The following KYNU variants were observed in gnomAD, a reference collection of about 807,000 sequenced individuals.
KYNU encodes L-kynurenine hydrolase.
Under a neutral mutation model 59.2 loss-of-function variants are expected in KYNU, and 54 were observed. The ratio of observed to expected loss-of-function variants is 0.91; its 90% CI spans 0.73 to 1.14. KYNU has a LOEUF of 1.14. KYNU is among the 50% of genes most tolerant of loss of function. The pLI is 0.00. For synonymous variants in KYNU, 177 were observed against 192.0 expected (o/e 0.92, Z 0.65); for missense variants, 567 against 554.4 (o/e 1.02, Z -0.23).
intron 2 of KYNU, among the ~76,000 whole-genome samples, chr2:142,891,563 T>C (rs1206203230): frequency 6.6e-6 from 1 of 152,202 alleles, no homozygotes; most frequent in African/African-American, 2.4e-5. Flanking sequence ...TTTGCACATG[T>C]AATTGTTTGG....
At position 142,891,304 on chromosome 2, in the gene KYNU, A is replaced by G. The variant is rs183095109; in HGVS notation, c.169+5768A>G. ...TTATCTCTAGCCTAGGCAAACAGTAATCTACTGAACTTGCTGTTATTTTGA... is the reference window on the plus strand; with the variant it reads ...TTATCTCTAGCCTAGGCAAACAGTAGTCTACTGAACTTGCTGTTATTTTGA... On this transcript the variant is annotated intron_variant, in intron 2 of 13. Coordinates refer to ENST00000264170, the MANE Select transcript of KYNU (RefSeq NM_003937.3). Among the ~76,000 whole-genome samples the G allele has an allele frequency of 7.0e-4, 106 of 152,210 alleles. 1 individual carries two copies. Among genetic ancestry groups the G allele is most frequent in the African/African-American group, 2.5e-3 (103 of 41,532 alleles).
At chr2:142,915,711 TAAG>T (rs1558919111) in intron 2 of KYNU, among the ~76,000 whole-genome samples, 1 of 152,184 alleles carries the variant, frequency 6.6e-6, no homozygotes, top group Non-Finnish European at 1.5e-5. Flanking sequence ...ACTGTTGACT[TAAG>T]GACTAACTGG....
At chr2:142,911,092 C>A (rs902300774) in intron 2 of KYNU, among the ~76,000 whole-genome samples, 2 of 152,118 alleles carry the variant, frequency 1.3e-5, no homozygotes, top group African/African-American at 4.8e-5. Flanking sequence ...TTTTCTATTT[C>A]TGTGAGAAAT....
chr2:142,972,782 G>A (rs993206125), intron 8 of KYNU, among the ~76,000 whole-genome samples: 9 of 144,560 alleles, frequency 6.2e-5, no homozygotes, highest in Non-Finnish European at 1.0e-4. Flanking sequence ...AGACTACAGA[G>A]ACAGAGGCCA....
chr2:142,907,810 G>T (rs376393414), intron 2 of KYNU, among the ~76,000 whole-genome samples: 2 of 152,158 alleles, frequency 1.3e-5, no homozygotes, highest in Non-Finnish European at 2.9e-5. Flanking sequence ...AGTTACCAGC[G>T]TTGTGTTTAA....
intron 2 of KYNU, among the ~76,000 whole-genome samples, chr2:142,899,356 G>A (rs937227474): frequency 2.6e-5 from 4 of 152,242 alleles, no homozygotes; most frequent in Non-Finnish European, 5.9e-5. Flanking sequence ...GTTTCAGTGA[G>A]CCCTCTTTAC....
chr2:143,007,114 A>G (rs1057371312), intron 10 of KYNU, among the ~76,000 whole-genome samples: 5 of 152,026 alleles, frequency 3.3e-5, no homozygotes, highest in African/African-American at 1.2e-4. Context: ...ACTCTGAGCT[A>G]TGGGAGGACA....
rs962474902 is a variant in KYNU at position 143,049,677 on chromosome 2, C to T, written c.*7505C>T. 6.6e-6 allele frequency: 1 copy of T among 152,208 alleles called. No homozygotes were observed. Among genetic ancestry groups the T allele is most frequent in the African/African-American group, 2.4e-5 (1 of 41,452 alleles). 9.4% of individuals were successfully genotyped at this position (152,208 alleles called of 1,614,324 possible). On this transcript the variant is annotated 3_prime_UTR_variant, in exon 14 of 14. Coordinates refer to ENST00000264170, the MANE Select transcript of KYNU (RefSeq NM_003937.3). ...AACATAGTCATCCAAATCCCAATCTCAAGCACGGTGTCACGGGAACCTGAT... is the reference window on the plus strand; with the variant it reads ...AACATAGTCATCCAAATCCCAATCTTAAGCACGGTGTCACGGGAACCTGAT...
intron 8 of KYNU, among the ~76,000 whole-genome samples, chr2:142,966,061 G>A (rs1203203279): frequency 6.6e-6 from 1 of 151,992 alleles, no homozygotes; most frequent in African/African-American, 2.4e-5. Flanking sequence ...AAGATATAAA[G>A]CAAGAGGAAT....
At chr2:142,894,055 C>G (rs918631392) in intron 2 of KYNU, among the ~76,000 whole-genome samples, 1 of 152,194 alleles carries the variant, frequency 6.6e-6, no homozygotes, top group Admixed American at 6.5e-5. Flanking sequence ...CATATGAACT[C>G]TTTCCTCAAG....
At chr2:142,978,100 G>A (rs930054028) in intron 8 of KYNU, among the ~76,000 whole-genome samples, 8 of 152,004 alleles carry the variant, frequency 5.3e-5, no homozygotes, top group African/African-American at 1.9e-4. Flanking sequence ...ACTTTCTCTA[G>A]TACTATTCAA....
At chr2:142,905,737 A>C (rs765269027) in intron 2 of KYNU, among the ~76,000 whole-genome samples, 1 of 152,154 alleles carries the variant, frequency 6.6e-6, no homozygotes, top group Non-Finnish European at 1.5e-5. Flanking sequence ...ACCGCTACTG[A>C]TTGAATGCAT....
At chr2:142,994,502 C>G (rs1685484961) in intron 10 of KYNU, among the ~76,000 whole-genome samples, 1 of 152,048 alleles carries the variant, frequency 6.6e-6, no homozygotes, top group Non-Finnish European at 1.5e-5. Flanking sequence ...GCTTTGTCTC[C>G]CATATCAGTC....
At chr2:142,936,412 C>CTTGTCTGAGGCCTAAGG (rs1683392085) in intron 4 of KYNU, among the ~76,000 whole-genome samples, 1 of 152,014 alleles carries the variant, frequency 6.6e-6, no homozygotes, top group Non-Finnish European at 1.5e-5. Context: ...TTGCAGGGTT[C>CTTGTCTGAGGCCTAAGG]TTTTATGAGG....
intron 10 of KYNU, chr2:142,989,332 G>C (rs968976546): frequency 9.9e-7 from 1 of 1,008,396 alleles, no homozygotes. Context: ...TTACTTTTCT[G>C]TTCTCTTAGA....
rs1489626875 is a variant in KYNU at position 142,920,751 on chromosome 2, T to G, written c.290+2022T>G. Reference sequence around the variant, plus strand: ...AGACTTCTAAGCAAATGGACATCTATTCCATCCTCGCTTTGTTTATTTTAG... The same window carrying G: ...AGACTTCTAAGCAAATGGACATCTAGTCCATCCTCGCTTTGTTTATTTTAG... On this transcript the variant is annotated intron_variant, in intron 3 of 13. Transcript: ENST00000264170. Among the ~76,000 whole-genome samples the G allele has an allele frequency of 4.6e-5, 7 of 152,224 alleles. No individual in the cohort carries two copies. The South Asian group carries it at 1.4e-3, about 32-fold the overall frequency.
chr2:143,009,953 C>T (rs1176427446), intron 10 of KYNU, among the ~76,000 whole-genome samples: 1 of 122,618 alleles, frequency 8.2e-6, no homozygotes, highest in Non-Finnish European at 1.6e-5. Flanking sequence ...CAGCCAATAT[C>T]ATACTGAATG....
At chr2:142,981,093 G>A (rs1285943933) in intron 8 of KYNU, among the ~76,000 whole-genome samples, 2 of 152,026 alleles carry the variant, frequency 1.3e-5, no homozygotes, top group Non-Finnish European at 2.9e-5. Context: ...ACCAACCAAT[G>A]GGGAAATAAT....
rs767312975 is a variant in KYNU, at chr2:142,885,339, T to C, written c.-19-10T>C. On this transcript the variant is annotated splice_polypyrimidine_tract_variant and intron_variant, in intron 1 of 13. Coordinates refer to ENST00000264170, the MANE Select transcript of KYNU (RefSeq NM_003937.3). ...TGGTGGCTAGATTATGTTTTATTATTCTCTTTCAGTTTTAGAGAACAACTT... is the reference window on the plus strand; with the variant it reads ...TGGTGGCTAGATTATGTTTTATTATCCTCTTTCAGTTTTAGAGAACAACTT... 7 of 1,609,516 alleles carry C rather than the reference T, an allele frequency of 4.3e-6. No individual in the cohort carries two copies. Among genetic ancestry groups the C allele is most frequent in the African/African-American group, 1.3e-5 (1 of 74,820 alleles).
Sources: allele counts gnomAD v4.1 joint callset (sites outside exome capture counted in the v4.1 genomes callset), GRCh38; gene constraint gnomAD v4.1.1; transcripts MANE v1.5; gene names NCBI Gene and HGNC (gene_info 2026-07-23, HGNC 2026-07-21).